DPYD: variants seen among roughly 807,000 people sequenced by gnomAD.
DPYD encodes the protein dihydropyrimidine dehydrogenase.
In DPYD, 109 loss-of-function variants were observed where a neutral mutation model predicts 116.2. That is an observed-to-expected ratio of 0.94 (90% CI 0.80 to 1.10). The LOEUF (loss-of-function observed/expected upper bound fraction) is 1.10, where lower values mean the gene tolerates loss of function less well. Ranked by LOEUF, DPYD falls within the 50% of genes least tolerant of loss-of-function variation. The pLI is 0.00. For missense variants in DPYD, 1,302 were observed against 1,254.5 expected (o/e 1.04, Z -0.57); for synonymous variants, 440 against 432.0 (o/e 1.02, Z -0.23).
intron 8 of DPYD, among the ~76,000 whole-genome samples, chr1:97,635,177 T>C (rs1410741223): frequency 6.6e-6 from 1 of 152,062 alleles, no homozygotes; most frequent in Non-Finnish European, 1.5e-5. Context: ...TAGAGGACAC[T>C]GCTCTTCTTT....
chr1:97,368,764 GT>G (rs1671168498), intron 16 of DPYD, among the ~76,000 whole-genome samples: 1 of 152,198 alleles, frequency 6.6e-6, no homozygotes, highest in African/African-American at 2.4e-5. Flanking sequence ...TCAAATTCAT[GT>G]TTGAGAATGA....
intron 20 of DPYD, among the ~76,000 whole-genome samples, chr1:97,152,198 A>G (rs185404868): frequency 0.012 from 1,762 of 152,322 alleles, 29 homozygotes; most frequent in Non-Finnish European, 0.016. Flanking sequence ...CTACTAGTGG[A>G]AAAATACACT....
At chr1:97,365,380 A>T (rs772092384) in intron 16 of DPYD, among the ~76,000 whole-genome samples, 6 of 151,824 alleles carry the variant, frequency 4.0e-5, no homozygotes, top group Non-Finnish European at 7.4e-5. Context: ...CATTACCTGA[A>T]CTCTTCATGA....
At chr1:97,488,531 A>G (rs1432602117) in intron 13 of DPYD, among the ~76,000 whole-genome samples, 2 of 152,218 alleles carry the variant, frequency 1.3e-5, no homozygotes, top group Non-Finnish European at 2.9e-5. Flanking sequence ...TCATAAGCTT[A>G]CCTCAAATTA....
chr1:97,302,090 A>C (rs976688941), intron 18 of DPYD, among the ~76,000 whole-genome samples: 1 of 151,988 alleles, frequency 6.6e-6, no homozygotes, highest in Non-Finnish European at 1.5e-5. Context: ...TAAACTATTC[A>C]GCTGTGTGAT....
intron 19 of DPYD, among the ~76,000 whole-genome samples, chr1:97,229,200 T>C: frequency 9.3e-6 from 1 of 107,162 alleles, no homozygotes; most frequent in African/African-American, 3.6e-5. Flanking sequence ...CGAGACTCCT[T>C]CTCAAAAAAA....
chr1:97,728,968 TAGA>T (rs1053463793), intron 4 of DPYD, among the ~76,000 whole-genome samples: 4 of 152,084 alleles, frequency 2.6e-5, no homozygotes, highest in Admixed American at 2.6e-4. Context: ...AAAATGGAGA[TAGA>T]AGAATAGGTT....
chr1:97,151,004 G>T (rs1026165801), intron 20 of DPYD, among the ~76,000 whole-genome samples: 2 of 152,102 alleles, frequency 1.3e-5, no homozygotes, highest in African/African-American at 4.8e-5. Context: ...AAAGTCAATG[G>T]AATAAACTAT....
At chr1:97,568,705 G>A (rs774113752) in intron 11 of DPYD, among the ~76,000 whole-genome samples, 6 of 152,072 alleles carry the variant, frequency 3.9e-5, no homozygotes, top group South Asian at 2.1e-4. Context: ...TTACATTTTC[G>A]AAGAAAAATA....
At chr1:97,139,617 T>G (rs960641520) in intron 20 of DPYD, among the ~76,000 whole-genome samples, 8 of 152,140 alleles carry the variant, frequency 5.3e-5, no homozygotes, top group Non-Finnish European at 7.3e-5. Context: ...ACCAGATATT[T>G]CTAGACTGAA....
At chr1:97,740,680 C>T (rs1664215135) in intron 3 of DPYD, among the ~76,000 whole-genome samples, 1 of 152,094 alleles carries the variant, frequency 6.6e-6, no homozygotes, top group African/African-American at 2.4e-5. Context: ...AAATGAGAAT[C>T]ATGCTGGCTA....
chr1:97,404,039 G>A (rs1310790134), intron 14 of DPYD, among the ~76,000 whole-genome samples: 7 of 151,472 alleles, frequency 4.6e-5, no homozygotes, highest in Middle Eastern at 3.4e-3. Context: ...TTGACATTTC[G>A]TTTTTGGCCC....
chr1:97,183,825 GT>G (rs1233800084), intron 20 of DPYD, among the ~76,000 whole-genome samples: 8 of 152,142 alleles, frequency 5.3e-5, no homozygotes, highest in Admixed American at 3.9e-4. Flanking sequence ...GTAAACTCGT[GT>G]CATGGGGGTT....
At position 97,372,713 on chromosome 1, in the gene DPYD, GT is replaced by G. The variant is rs71815449; in HGVS notation, c.2058+847del. ...GCCCTCCCAAATTAAGGGCCTCTGA[GT>G]TTAATTCAAATCAATTTGATGACTT... On this transcript the variant is annotated intron_variant, in intron 16 of 22. Transcript: ENST00000370192. 7.7e-3 allele frequency among the ~76,000 whole-genome samples: 1,166 copies of G among 151,874 alleles called. 18 individuals carry two copies. The highest frequency in any genetic ancestry group is 0.027 in the African/African-American group (1,114 of 41,404).
intron 20 of DPYD, among the ~76,000 whole-genome samples, chr1:97,125,891 A>T (rs1652795254): frequency 6.6e-6 from 1 of 152,142 alleles, no homozygotes; most frequent in African/African-American, 2.4e-5. Context: ...AGCAGTCTAA[A>T]CTACTAAGCA....
chr1:97,563,981 C>A (rs1652346411), intron 11 of DPYD, among the ~76,000 whole-genome samples: 1 of 152,148 alleles, frequency 6.6e-6, no homozygotes, highest in Admixed American at 6.5e-5. Flanking sequence ...TTCAACCAAG[C>A]AAAAATACTT....
At chr1:97,665,876 T>C in intron 8 of DPYD, among the ~76,000 whole-genome samples, 1 of 152,184 alleles carries the variant, frequency 6.6e-6, no homozygotes, top group Non-Finnish European at 1.5e-5. Context: ...TCTGGATGGC[T>C]TTTTGTTATT....
At chr1:97,166,330 C>A (rs1290136477) in intron 20 of DPYD, among the ~76,000 whole-genome samples, 1 of 151,956 alleles carries the variant, frequency 6.6e-6, no homozygotes, top group Non-Finnish European at 1.5e-5. Flanking sequence ...AAACTAAACA[C>A]TGCATGTTCT....
chr1:97,827,719 G>T (rs1669308621), intron 3 of DPYD, among the ~76,000 whole-genome samples: 1 of 151,978 alleles, frequency 6.6e-6, no homozygotes, highest in African/African-American at 2.4e-5. Context: ...AGATGAAAAT[G>T]TAAGTACCTC....
Sources: allele counts gnomAD v4.1 joint callset (sites outside exome capture counted in the v4.1 genomes callset), GRCh38; gene constraint gnomAD v4.1.1; transcripts MANE v1.5; gene names NCBI Gene and HGNC (gene_info 2026-07-23, HGNC 2026-07-21).